BBS9: variants seen among roughly 807,000 people sequenced by gnomAD.
The protein encoded by BBS9 is protein PTHB1.
In BBS9, 89 loss-of-function variants were observed where a neutral mutation model predicts 117.7. The ratio of observed to expected loss-of-function variants is 0.76; its 90% CI spans 0.64 to 0.90. BBS9 has a LOEUF of 0.90. Ranked by LOEUF, BBS9 falls within the 40% of genes least tolerant of loss-of-function variation. The pLI is 0.00. For missense variants in BBS9, 982 were observed against 1,042.2 expected, an observed-to-expected ratio of 0.94 and a Z score of 0.80; for synonymous variants, 379 against 370.9, an observed-to-expected ratio of 1.02 and a Z score of -0.25.
intron 21 of BBS9, among the ~76,000 whole-genome samples, chr7:33,632,248 C>T (rs1392468126): frequency 6.6e-6 from 1 of 152,208 alleles, no homozygotes; most frequent in East Asian, 1.9e-4. Context: ...CCCTTTTGCT[C>T]AGCGATTGCT....
intron 1 of BBS9, among the ~76,000 whole-genome samples, chr7:33,145,026 G>C (rs900321410): frequency 6.6e-6 from 1 of 152,052 alleles, no homozygotes; most frequent in Non-Finnish European, 1.5e-5. Context: ...TATTAAATAA[G>C]GTATCTTTAA....
chr7:33,630,492 C>T (rs1014223052), intron 21 of BBS9, among the ~76,000 whole-genome samples: 18 of 152,074 alleles, frequency 1.2e-4, no homozygotes, highest in African/African-American at 4.3e-4. Context: ...AACCACAATG[C>T]CCCTACCCCT....
At chr7:33,572,268 G>T (rs2700691) in intron 21 of BBS9, among the ~76,000 whole-genome samples, 61,050 of 151,896 alleles carry the variant, frequency 0.4, 16,891 homozygotes, top group African/African-American at 0.78. Context: ...TTATTACAAA[G>T]GAAAGGATTT....
intron 5 of BBS9, among the ~76,000 whole-genome samples, chr7:33,236,583 A>T (rs1793559530): frequency 6.6e-6 from 1 of 151,944 alleles, no homozygotes; most frequent in Non-Finnish European, 1.5e-5. Flanking sequence ...AAAATACATA[A>T]TTTATAAATA....
intron 16 of BBS9, among the ~76,000 whole-genome samples, chr7:33,365,953 C>G (rs1584508032): frequency 6.6e-6 from 1 of 152,222 alleles, no homozygotes. Context: ...TGAGCTGGCT[C>G]ACTCTGGTGG....
Position 33,576,637 on chromosome 7 carries a change from C to T in BBS9, c.2522-28228C>T, listed in dbSNP as rs368641549. ...AAAAAGAACAAAGCTGGAGGCATCA[C>T]GCTACCTGACTTCAAACTATACTAC... On this transcript the variant is annotated intron_variant, in intron 21 of 22. Coordinates refer to ENST00000242067, the MANE Select transcript of BBS9 (RefSeq NM_198428.3). Among the ~76,000 whole-genome samples the T allele has an allele frequency of 2.9e-4, 44 of 152,078 alleles. 2 individuals carry two copies. Among genetic ancestry groups the T allele is most frequent in the African/African-American group, 7.0e-4 (29 of 41,406 alleles).
chr7:33,588,403 T>C lies in BBS9; in HGVS notation c.2522-16462T>C, dbSNP rs112242369. 7.2e-3 allele frequency among the ~76,000 whole-genome samples: 1,096 copies of C among 152,246 alleles called. 8 individuals carry two copies. The highest frequency in any genetic ancestry group is 0.011 in the Non-Finnish European group (717 of 67,992). ...ATGTAAAAATTAGAATTGATTTTGG[T>C]TTCCGTTGCTTCCTCCTAATCTCTC... On this transcript the variant is annotated intron_variant, in intron 21 of 22. Coordinates refer to ENST00000242067, the MANE Select transcript of BBS9 (RefSeq NM_198428.3).
At chr7:33,572,360 G>A (rs1441856328) in intron 21 of BBS9, among the ~76,000 whole-genome samples, 2 of 152,076 alleles carry the variant, frequency 1.3e-5, no homozygotes, top group African/African-American at 4.8e-5. Context: ...CACTTAAGTT[G>A]ATTACATATC....
chr7:33,231,473 TG>T (rs1343791667), intron 5 of BBS9, among the ~76,000 whole-genome samples: 2 of 147,476 alleles, frequency 1.4e-5, no homozygotes, highest in African/African-American at 5.0e-5. Context: ...TTGATTGCTA[TG>T]GCTTTGTAAT....
intron 5 of BBS9, among the ~76,000 whole-genome samples, chr7:33,241,726 T>A (rs1794556328): frequency 6.6e-6 from 1 of 152,134 alleles, no homozygotes; most frequent in South Asian, 2.1e-4. Context: ...TAGAGTTTTG[T>A]TAACTTTGTT....
At chr7:33,444,639 T>C (rs1479857428) in intron 19 of BBS9, among the ~76,000 whole-genome samples, 2 of 152,218 alleles carry the variant, frequency 1.3e-5, no homozygotes, top group Non-Finnish European at 2.9e-5. Context: ...CACAGATGTC[T>C]TGGCTCCAAA....
chr7:33,303,516 A>AC (rs1373664820), intron 9 of BBS9, among the ~76,000 whole-genome samples: 1 of 71,804 alleles, frequency 1.4e-5, no homozygotes, highest in African/African-American at 5.9e-5. Flanking sequence ...AACTGAAATG[A>AC]TCCCCTCCCC....
intron 1 of BBS9, among the ~76,000 whole-genome samples, chr7:33,132,011 C>CA (rs1350372910): frequency 1.3e-5 from 2 of 152,180 alleles, no homozygotes; most frequent in Admixed American, 1.3e-4. Context: ...TCTAATAAGG[C>CA]ATTAGAAACT....
chr7:33,519,246 C>T (rs1352738322), intron 20 of BBS9, among the ~76,000 whole-genome samples: 2 of 152,158 alleles, frequency 1.3e-5, no homozygotes, highest in Admixed American at 1.3e-4. Flanking sequence ...CTTTAGCTTA[C>T]TCACATGGTT....
intron 19 of BBS9, among the ~76,000 whole-genome samples, chr7:33,442,881 T>A (rs1249105106): frequency 1.3e-5 from 2 of 152,152 alleles, no homozygotes; most frequent in Non-Finnish European, 2.9e-5. Flanking sequence ...ACTGTGTAAA[T>A]ATAGACAGAA....
At chr7:33,408,720 T>C (rs1830553981) in intron 19 of BBS9, among the ~76,000 whole-genome samples, 1 of 152,218 alleles carries the variant, frequency 6.6e-6, no homozygotes, top group South Asian at 2.1e-4. Context: ...CCTTTGGGTC[T>C]GTACTCTGTA....
At chr7:33,426,030 A>T (rs1235750830) in intron 19 of BBS9, among the ~76,000 whole-genome samples, 1 of 151,826 alleles carries the variant, frequency 6.6e-6, no homozygotes, top group Non-Finnish European at 1.5e-5. Flanking sequence ...ATAAACCAAG[A>T]AGTTTATAAG....
chr7:33,130,395 A>G (rs1789398126), intron 1 of BBS9, among the ~76,000 whole-genome samples: 1 of 152,184 alleles, frequency 6.6e-6, no homozygotes, highest in Non-Finnish European at 1.5e-5. Context: ...TCCTTCTAGT[A>G]ATAGGATTAT....
At chr7:33,439,533 C>CTT (rs11384028) in intron 19 of BBS9, among the ~76,000 whole-genome samples, 17,279 of 131,252 alleles carry the variant, frequency 0.13, 1,699 homozygotes, top group African/African-American at 0.26. Context: ...TTTTTATCAC[C>CTT]TTTTTTTTTT....
Sources: gnomAD v4.1 joint callset for allele counts (sites outside exome capture counted in the v4.1 genomes callset) on GRCh38, gnomAD v4.1.1 for gene constraint, MANE v1.5 for transcripts, NCBI Gene and HGNC (gene_info 2026-07-23, HGNC 2026-07-21) for gene names.